UQCRQ: variants seen among roughly 807,000 people sequenced by gnomAD.
The protein encoded by UQCRQ is ubiquinol-cytochrome c reductase complex III subunit VII.
In UQCRQ, 9 loss-of-function variants were observed where a neutral mutation model predicts 7.9. That is an observed-to-expected ratio of 1.13 (90% confidence interval 0.68 to 1.98). The LOEUF (loss-of-function observed/expected upper bound fraction) is 1.98, where lower values mean the gene tolerates loss of function less well. UQCRQ is among the 30% of genes most tolerant of loss of function. The pLI is 0.00. For missense variants in UQCRQ, 112 were observed against 109.7 expected (o/e 1.02, Z -0.10); for synonymous variants, 50 against 41.9 (o/e 1.19, Z -0.75).
chr5:132,867,003 G>A lies in UQCRQ; in HGVS notation c.122G>A (p.Arg41His). Residue 41 changes from arginine to histidine, a missense_variant, in exon 2 of 3, where the codon CGC (arginine) becomes CAC (histidine). Coordinates refer to ENST00000378670, the MANE Select transcript of UQCRQ (RefSeq NM_014402.5). ...AAAGGAATCCCCAATGTTCTGCGCC[G>A]CATTCGGGAGTCTTTCTTTCGCGTG... ...FTKGIPNVLR[R>H]IRESFFRVVP... The A allele has an allele frequency of 6.2e-7, 1 of 1,614,046 alleles. No individual in the cohort carries two copies. The highest frequency in any genetic ancestry group is 1.1e-5 in the South Asian group (1 of 91,088).
In UQCRQ at chr5:132,867,003, G is replaced by T. The variant is rs1202439837; in HGVS notation, c.122G>T (p.Arg41Leu). 6.2e-7 allele frequency: 1 copy of T among 1,613,928 alleles called. No individual in the cohort carries two copies. The highest frequency in any genetic ancestry group is 8.5e-7 in the Non-Finnish European group (1 of 1,179,966). ...AAAGGAATCCCCAATGTTCTGCGCC[G>T]CATTCGGGAGTCTTTCTTTCGCGTG... ...FTKGIPNVLR[R>L]IRESFFRVVP... Residue 41 changes from arginine (R) to leucine (L), a missense_variant, in exon 2 of 3, where the codon CGC becomes CTC. Physicochemically the swap from Arg to Leu is moderately radical, Grantham distance 102. Coordinates refer to ENST00000378670, the MANE Select transcript of UQCRQ (RefSeq NM_014402.5).
At position 132,866,688 on chromosome 5, in the gene UQCRQ, G is replaced by GGCCGCCGCCACAA; in HGVS notation, c.-14+1_-14+2insGCCGCCGCCACAA. 1.5e-6 allele frequency: 1 copy of GGCCGCCGCCACAA among 664,864 alleles called. No individual in the cohort carries two copies. The highest frequency in any genetic ancestry group is 2.5e-6 in the Non-Finnish European group (1 of 393,618). The allele number at this position is 664,864 out of a possible 1,614,324, so 41.2% of individuals were successfully genotyped here. A position where few individuals can be genotyped will look rare whatever the true frequency, so the allele number is the denominator to read the frequency against. ...GACTGTGGAGGGCGAGCTGAGCCCT[G>GGCCGCCGCCACAA]TGCGTGAGTGGGGTCTGGTTGTGCA... On this transcript the variant is annotated splice_donor_variant, in intron 1 of 2. Transcript: ENST00000378670. LOFTEE classifies it low-confidence loss of function (5UTR_SPLICE).
chr5:132,867,497 T>C lies in UQCRQ; in HGVS notation c.164T>C (p.Val55Ala). 6.2e-7 allele frequency: 1 copy of C among 1,613,364 alleles called. No homozygotes were observed. Among genetic ancestry groups the C allele is most frequent in the Non-Finnish European group, 8.5e-7 (1 of 1,179,332 alleles). Reference sequence around the variant, plus strand: ...CTCTTAATTTTTAAAGAGTTTGTAGTGTTTTATCTTATCTACACATGGGGG... The same window carrying C: ...CTCTTAATTTTTAAAGAGTTTGTAGCGTTTTATCTTATCTACACATGGGGG... ...SFFRVVPQFVVFYLIYTWGTE... is the reference protein window; with the variant it reads ...SFFRVVPQFVAFYLIYTWGTE... The change falls in exon 3 of 3, where the codon GTG (valine) becomes GCG (alanine). Residue 55 changes from valine to alanine, a missense_variant. Coordinates refer to ENST00000378670, the MANE Select transcript of UQCRQ (RefSeq NM_014402.5).
intron 2 of UQCRQ, chr5:132,867,260 T>G (rs1759656362): frequency 4.2e-6 from 3 of 722,064 alleles, no homozygotes; most frequent in Non-Finnish European, 2.3e-6. Flanking sequence ...CCAAGGTCAC[T>G]CGGGTGATTC....
At position 132,867,602 on chromosome 5, in the gene UQCRQ, G is replaced by A. The variant is rs200725534; in HGVS notation, c.*20G>A. On this transcript the variant is annotated 3_prime_UTR_variant, in exon 3 of 3. Coordinates refer to ENST00000378670, the MANE Select transcript of UQCRQ (RefSeq NM_014402.5). ...AAATGAGCAACGCATCCGGATGACG[G>A]TTCCCTGTCTCTGAAAGACCTTTCT... The A allele has an allele frequency of 4.2e-5, 68 of 1,602,608 alleles. No individual in the cohort carries two copies. The East Asian group carries it at 1.4e-3, about 33-fold the overall frequency.
At position 132,867,547 on chromosome 5, in the gene UQCRQ, A is replaced by G; in HGVS notation, c.214A>G (p.Arg72Gly). 6.2e-7 allele frequency: 1 copy of G among 1,614,194 alleles called. No homozygotes were observed. Among genetic ancestry groups the G allele is most frequent in the South Asian group, 1.1e-5 (1 of 91,084 alleles). The change falls in exon 3 of 3, where the codon AGG (arginine) becomes GGG (glycine). Residue 72 changes from arginine (R) to glycine (G), a missense_variant. Coordinates refer to ENST00000378670, the MANE Select transcript of UQCRQ (RefSeq NM_014402.5). ...GACTGAAGAGTTCGAGAGATCCAAG[A>G]GGAAGAATCCAGCTGCCTATGAAAA... ...WGTEEFERSK[R>G]KNPAAYENDK
intron 2 of UQCRQ, 39 bp downstream of exon 2, chr5:132,867,074 C>CCAG (rs747876013): frequency 1.6e-5 from 25 of 1,607,146 alleles, no homozygotes; most frequent in Admixed American, 6.7e-5. Context: ...AGGCTGGACC[C>CCAG]CAGCAGCAGC....
chr5:132,867,122 G>A (rs1335399121), intron 2 of UQCRQ, 87 bp downstream of exon 2: 2 of 1,562,052 alleles, frequency 1.3e-6, no homozygotes, highest in Admixed American at 1.8e-5. Context: ...GCTGGCGGCC[G>A]GGCAGGCGCT....
At position 132,867,938 on chromosome 5, in the gene UQCRQ, A is replaced by G. The variant is rs1201649168; in HGVS notation, c.*356A>G. On this transcript the variant is annotated 3_prime_UTR_variant, in exon 3 of 3. Transcript: ENST00000378670. The stretch of plus-strand genomic sequence containing the variant: ...GGCCCTCTGCTCCCATAGCAACAAT[A>G]AAGTCTACTAACTATATTGTAATTA... The G allele has an allele frequency of 5.9e-6, 2 of 337,582 alleles. No individual in the cohort carries two copies. The highest frequency in any genetic ancestry group is 8.1e-5 in the Admixed American group (2 of 24,558). 20.9% of individuals were successfully genotyped at this position (337,582 alleles called of 1,614,324 possible).
At position 132,867,837 on chromosome 5, in the gene UQCRQ, T is replaced by A. The variant is rs1287680816; in HGVS notation, c.*255T>A. The A allele has an allele frequency of 2.0e-6, 1 of 497,880 alleles. No homozygotes were observed. Among genetic ancestry groups the A allele is most frequent in the Non-Finnish European group, 3.6e-6 (1 of 274,262 alleles). The allele number at this position is 497,880 out of a possible 1,614,324, so 30.8% of individuals were successfully genotyped here. On this transcript the variant is annotated 3_prime_UTR_variant, in exon 3 of 3. Coordinates refer to ENST00000378670, the MANE Select transcript of UQCRQ (RefSeq NM_014402.5). The stretch of plus-strand genomic sequence containing the variant: ...AGGGCTCCCCCTTTGTTCCATTATC[T>A]ACAAGAAAGTAGCTGCAGGTACTCC...
chr5:132,867,143 C>A, intron 2 of UQCRQ, 108 bp downstream of exon 2: 2 of 1,389,870 alleles, frequency 1.4e-6, no homozygotes, highest in South Asian at 1.2e-5. Flanking sequence ...CTGTAACTTG[C>A]CGTACACACC....
Position 132,867,776 on chromosome 5 carries a change from G to A in UQCRQ, c.*194G>A. 1 of 596,526 alleles carries A rather than the reference G, an allele frequency of 1.7e-6. No individual in the cohort carries two copies. Among genetic ancestry groups the A allele is most frequent in the Non-Finnish European group, 3.0e-6 (1 of 332,722 alleles). The allele number at this position is 596,526 out of a possible 1,614,324, so 37.0% of individuals were successfully genotyped here. A position where few individuals can be genotyped will look rare whatever the true frequency, so the allele number is the denominator to read the frequency against. ...AGCGCCCCTCCTCAGCATGAGTCTT[G>A]AAGTTTTGCCTGGTCTCGGGTTTTG... is the stretch of plus-strand genomic sequence containing the variant. On this transcript the variant is annotated 3_prime_UTR_variant, in exon 3 of 3. Transcript: ENST00000378670.
intron 2 of UQCRQ, 126 bp from the exon 3 acceptor site, chr5:132,867,362 A>G (rs1285537169): frequency 1.3e-6 from 1 of 792,926 alleles, no homozygotes; most frequent in Non-Finnish European, 2.1e-6. Context: ...TGATAGTTGC[A>G]TGGCCTTGGA....
Sources: gnomAD v4.1 joint callset for allele counts on GRCh38, gnomAD v4.1.1 for gene constraint, MANE v1.5 for transcripts, NCBI Gene and HGNC (gene_info 2026-07-23, HGNC 2026-07-21) for gene names.